The following RSPRY1 variants were observed in gnomAD, a reference collection of about 807,000 sequenced individuals.
RSPRY1 encodes the protein RING finger and SPRY domain-containing protein 1.
Under a neutral mutation model 73.1 loss-of-function variants are expected in RSPRY1, and 23 were observed. The ratio of observed to expected loss-of-function variants is 0.31; its 90% CI spans 0.23 to 0.45. The LOEUF (loss-of-function observed/expected upper bound fraction) is 0.45. Among genes scored for constraint, RSPRY1 ranks in the 20% least tolerant of loss-of-function variants. The pLI is 1.00. For synonymous variants in RSPRY1, 226 were observed against 251.4 expected, an observed-to-expected ratio of 0.90 and a Z score of 0.95; for missense variants, 448 against 698.7, an observed-to-expected ratio of 0.64 and a Z score of 4.05.
chr16:57,235,945 G>A (rs1234300298), intron 14 of RSPRY1, among the ~76,000 whole-genome samples: 2 of 152,178 alleles, frequency 1.3e-5, no homozygotes, highest in African/African-American at 4.8e-5. Flanking sequence ...GCCTCTCTAC[G>A]TTTGTTGTCT....
At chr16:57,227,247 C>G (rs972781504) in intron 10 of RSPRY1, 95 bp from the exon 11 acceptor site, 10 of 790,894 alleles carry the variant, frequency 1.3e-5, no homozygotes, top group Non-Finnish European at 2.2e-5. Context: ...GCTTAGAATC[C>G]CAGCCATTAG....
rs557237955 is a variant in RSPRY1, at chr16:57,199,226, G to A, written c.-155-5278G>A. On this transcript the variant is annotated intron_variant, in intron 1 of 14. Transcript: ENST00000394420. ...TAAAGAAAAAGCGGCTGGGCGCGGC[G>A]GTTGATGCCTGTAATCCCAGCACTT... Among the ~76,000 whole-genome samples the A allele has an allele frequency of 2.8e-4, 43 of 152,326 alleles. No homozygotes were observed. The South Asian group carries it at 4.1e-3, about 15-fold the overall frequency.
intron 12 of RSPRY1, 50 bp from the exon 13 acceptor site, chr16:57,231,117 A>G (rs376539391): frequency 4.5e-6 from 7 of 1,551,820 alleles, no homozygotes; most frequent in African/African-American, 2.7e-5. Flanking sequence ...TATTAACTCT[A>G]TTTTGATTTT....
intron 4 of RSPRY1, 42 bp from the exon 5 acceptor site, chr16:57,212,930 T>C (rs1425339947): frequency 6.3e-7 from 1 of 1,597,504 alleles, no homozygotes; most frequent in African/African-American, 1.4e-5. Flanking sequence ...AAACAACCTG[T>C]GTAGTATATG....
intron 10 of RSPRY1, among the ~76,000 whole-genome samples, chr16:57,224,738 T>G (rs1401096037): frequency 1.3e-5 from 2 of 152,224 alleles, no homozygotes; most frequent in African/African-American, 4.8e-5. Flanking sequence ...TGCTCTGTAG[T>G]TAAAGTTATT....
chr16:57,222,297 T>C (rs1347250460), intron 10 of RSPRY1, among the ~76,000 whole-genome samples: 2 of 152,236 alleles, frequency 1.3e-5, no homozygotes, highest in Non-Finnish European at 2.9e-5. Flanking sequence ...TCTCACTGTG[T>C]TGCTCAGGCT....
chr16:57,230,067 A>G (rs2075190840), intron 11 of RSPRY1, among the ~76,000 whole-genome samples: 2 of 136,040 alleles, frequency 1.5e-5, no homozygotes, highest in East Asian at 2.2e-4. Context: ...CTGGAGTGCA[A>G]TGGCATGATG....
intron 10 of RSPRY1, among the ~76,000 whole-genome samples, chr16:57,225,249 C>T (rs1337834110): frequency 6.6e-6 from 1 of 152,160 alleles, no homozygotes; most frequent in African/African-American, 2.4e-5. Context: ...TTAGTAGAGA[C>T]AGGGTTTCGC....
intron 1 of RSPRY1, among the ~76,000 whole-genome samples, chr16:57,199,897 T>C (rs1321533007): frequency 8.5e-4 from 5 of 5,892 alleles, no homozygotes; most frequent in African/African-American, 1.5e-3. Flanking sequence ...TTTTGTTTGT[T>C]TTTTTTTTTC....
At chr16:57,200,314 C>G (rs1407671211) in intron 1 of RSPRY1, among the ~76,000 whole-genome samples, 1 of 151,638 alleles carries the variant, frequency 6.6e-6, no homozygotes, top group Non-Finnish European at 1.5e-5. Flanking sequence ...TCTTTCTACA[C>G]AGACATGGCA....
At chr16:57,208,184 T>C in intron 3 of RSPRY1, 74 bp downstream of exon 3, 1 of 887,002 alleles carries the variant, frequency 1.1e-6, no homozygotes, top group East Asian at 2.6e-5. Context: ...CTTTTGTTTT[T>C]TGTTTTGTTT....
chr16:57,213,997 C>G, intron 6 of RSPRY1, 51 bp downstream of exon 6: 2 of 1,223,232 alleles, frequency 1.6e-6, no homozygotes, highest in Non-Finnish European at 2.4e-6. Context: ...AAGTGGGCAT[C>G]ATCTAGAACT....
chr16:57,236,942 G>A (rs1194109873), intron 14 of RSPRY1, among the ~76,000 whole-genome samples: 1 of 151,976 alleles, frequency 6.6e-6, no homozygotes, highest in Non-Finnish European at 1.5e-5. Context: ...CAAGGCGGGT[G>A]GATCACAAGG....
At chr16:57,224,970 A>G (rs1376517080) in intron 10 of RSPRY1, among the ~76,000 whole-genome samples, 1 of 152,236 alleles carries the variant, frequency 6.6e-6, no homozygotes, top group African/African-American at 2.4e-5. Context: ...CAATGCCTAC[A>G]TTTTAGTGGT....
Position 57,230,254 on chromosome 16 carries a change from C to T in RSPRY1, c.1274-457C>T, listed in dbSNP as rs370886194. Among the ~76,000 whole-genome samples, 5 of 150,218 alleles carry T rather than the reference C, an allele frequency of 3.3e-5. No individual in the cohort carries two copies. The East Asian group carries it at 8.0e-4, about 24-fold the overall frequency. ...TTCAAACTCCTGACCTCAGGTGATCCGCCCGCCTTGGCCTCCCAAAGTGCT... is the reference window on the plus strand; with the variant it reads ...TTCAAACTCCTGACCTCAGGTGATCTGCCCGCCTTGGCCTCCCAAAGTGCT... On this transcript the variant is annotated intron_variant, in intron 11 of 14. Transcript: ENST00000394420.
intron 12 of RSPRY1, 69 bp downstream of exon 12, chr16:57,230,882 A>G (rs77706973): frequency 1.1e-6 from 1 of 943,650 alleles, no homozygotes; most frequent in Middle Eastern, 2.1e-4. Context: ...GGAAAAAAAA[A>G]GTCTTTGTCC....
intron 8 of RSPRY1, among the ~76,000 whole-genome samples, chr16:57,218,206 C>T (rs1393761387): frequency 1.3e-5 from 2 of 152,146 alleles, no homozygotes; most frequent in East Asian, 3.8e-4. Context: ...TTTTGGAGCA[C>T]ATGAGATATT....
chr16:57,199,499 AG>A (rs2074519915), intron 1 of RSPRY1, among the ~76,000 whole-genome samples: 1 of 152,208 alleles, frequency 6.6e-6, no homozygotes, highest in Non-Finnish European at 1.5e-5. Flanking sequence ...CTCAAAAAAA[AG>A]AAAAAGCTAG....
intron 1 of RSPRY1, among the ~76,000 whole-genome samples, chr16:57,192,848 C>T (rs1293257860): frequency 6.6e-5 from 10 of 151,782 alleles, no homozygotes; most frequent in Non-Finnish European, 1.0e-4. Context: ...TTCCCAGTAG[C>T]TGGACTATAG....
Sources: allele counts gnomAD v4.1 joint callset (sites outside exome capture counted in the v4.1 genomes callset), GRCh38; gene constraint gnomAD v4.1.1; transcripts MANE v1.5; gene names NCBI Gene and HGNC (gene_info 2026-07-23, HGNC 2026-07-21).